Variants in ZNF562 observed in about 807,000 individuals in gnomAD.
The protein encoded by ZNF562 is zinc finger protein 562.
ZNF562 carries 13 observed loss-of-function variants against 17.5 expected under a neutral mutation model. The ratio of observed to expected loss-of-function variants is 0.74; its 90% CI spans 0.48 to 1.18. The LOEUF (loss-of-function observed/expected upper bound fraction) is 1.18, where lower values mean the gene tolerates loss of function less well. Among genes scored for constraint, ZNF562 ranks in the 50% most tolerant of loss-of-function variants. ZNF562 has a pLI of 0.00. For missense variants in ZNF562, 481 were observed against 498.5 expected (o/e 0.96, Z 0.33); for synonymous variants, 163 against 165.4 (o/e 0.99, Z 0.11).
In ZNF562 at chr19:9,653,045, TG is replaced by T; in HGVS notation, c.1184del (p.Thr395LysfsTer25). Reference protein sequence around the residue: ...STLTQHRRIHTGEKPYECVEC... With the variant: ...STLTQHRRIHXGEKPYECVEC... ...CAACACATTCATAAGGCTTCTCTCC[TG>T]TGTGAATTCTTCTATGTTGAGTAAG... On this transcript the variant is annotated frameshift_variant, in exon 6 of 6. Transcript: ENST00000453372. LOFTEE classifies it low-confidence loss of function (END_TRUNC). 1 of 1,598,130 alleles carries T rather than the reference TG, an allele frequency of 6.3e-7. No individual in the cohort carries two copies. The highest frequency in any genetic ancestry group is 8.5e-7 in the Non-Finnish European group (1 of 1,172,082).
chr19:9,669,504 G>A (rs1382528554), intron 1 of ZNF562, among the ~76,000 whole-genome samples: 2 of 152,138 alleles, frequency 1.3e-5, no homozygotes, highest in Admixed American at 6.6e-5. Context: ...TATGCAGTTG[G>A]TGGGAATATA....
At chr19:9,673,430 T>G (rs575141409) in intron 1 of ZNF562, among the ~76,000 whole-genome samples, 1 of 152,224 alleles carries the variant, frequency 6.6e-6, no homozygotes, top group East Asian at 1.9e-4. Flanking sequence ...CTCCAACAGC[T>G]GGGATTACAG....
chr19:9,653,992 A>T (rs975706485), intron 5 of ZNF562, 111 bp from the exon 6 acceptor site: 58 of 1,007,336 alleles, frequency 5.8e-5, no homozygotes, highest in South Asian at 1.3e-4. Flanking sequence ...TTAATGTTTA[A>T]TTTTTTTTTT....
In ZNF562 at chr19:9,672,569, C is replaced by G. The variant is rs2044234882; in HGVS notation, c.-131+2446G>C. Among the ~76,000 whole-genome samples, 3 of 151,922 alleles carry G rather than the reference C, an allele frequency of 2.0e-5. No homozygotes were observed. The South Asian group carries it at 6.2e-4, about 31-fold the overall frequency. ...AAAAACTACACTTAGTCCAAACATG[C>G]TCTTAATAAATTATACAGATACTAG... is the stretch of plus-strand genomic sequence containing the variant. On this transcript the variant is annotated intron_variant, in intron 1 of 5. Transcript: ENST00000453372.
At chr19:9,653,964 T>A (rs2043364099) in intron 5 of ZNF562, 83 bp from the exon 6 acceptor site, 2 of 1,379,200 alleles carry the variant, frequency 1.5e-6, no homozygotes, top group South Asian at 2.1e-5. Context: ...ATTATTTTGA[T>A]GACAATTATT....
Position 9,647,928 on chromosome 19 carries a change from T to C in ZNF562, c.*5021A>G, listed in dbSNP as rs2074820087. 6.6e-6 allele frequency: 1 copy of C among 152,164 alleles called. No individual in the cohort carries two copies. Among genetic ancestry groups the C allele is most frequent in the African/African-American group, 2.4e-5 (1 of 41,426 alleles). The allele number at this position is 152,164 out of a possible 1,614,324, so 9.4% of individuals were successfully genotyped here. On this transcript the variant is annotated 3_prime_UTR_variant, in exon 6 of 6. Transcript: ENST00000453372. ...GAAAATATCTTGTAGTATTTTTAAATAGAGATGTGGTTTCGCTATGTTGCC... is the reference window on the plus strand; with the variant it reads ...GAAAATATCTTGTAGTATTTTTAAACAGAGATGTGGTTTCGCTATGTTGCC...
In ZNF562 at chr19:9,653,141, T is replaced by G; in HGVS notation, c.1089A>C (p.Ile363=). Residue 363 remains isoleucine (I), a synonymous_variant, in exon 6 of 6, where the codon ATA becomes ATC. Coordinates refer to ENST00000453372, the MANE Select transcript of ZNF562 (RefSeq NM_001130031.2). The part of the protein sequence containing the change: ...FTQYTGLAIH[I]RNHTGEKPYQ... ...AGGGTTTCTCTCCAGTGTGATTTCG[T>G]ATGTGTATAGCAAGGCCCGTGTACT... 6.2e-7 allele frequency: 1 copy of G among 1,611,866 alleles called. No individual in the cohort carries two copies. Among genetic ancestry groups the G allele is most frequent in the Non-Finnish European group, 8.5e-7 (1 of 1,178,644 alleles).
chr19:9,652,389 C>T lies in ZNF562; in HGVS notation c.*560G>A, dbSNP rs1318496381. On this transcript the variant is annotated 3_prime_UTR_variant, in exon 6 of 6. Coordinates refer to ENST00000453372, the MANE Select transcript of ZNF562 (RefSeq NM_001130031.2). ...GGAGCATCTTTTTAACAATCCACCT[C>T]TGGGGCCTACATCATCTTGGCTTCT... 3 of 152,298 alleles carry T rather than the reference C, an allele frequency of 2.0e-5. No homozygotes were observed. Among genetic ancestry groups the T allele is most frequent in the East Asian group, 3.8e-4 (2 of 5,198 alleles). The allele number at this position is 152,298 out of a possible 1,614,324, so 9.4% of individuals were successfully genotyped here.
At chr19:9,665,609 G>A (rs984001874) in intron 1 of ZNF562, among the ~76,000 whole-genome samples, 3 of 152,168 alleles carry the variant, frequency 2.0e-5, no homozygotes, top group African/African-American at 7.2e-5. Flanking sequence ...CACACAGCCA[G>A]CCTTCCCACA....
intron 1 of ZNF562, among the ~76,000 whole-genome samples, chr19:9,674,144 T>A (rs2044311603): frequency 6.6e-6 from 1 of 152,178 alleles, no homozygotes; most frequent in Admixed American, 6.5e-5. Context: ...CAGGCTAAAC[T>A]AATTCCAATT....
intron 5 of ZNF562, among the ~76,000 whole-genome samples, chr19:9,655,006 G>A (rs913886111): frequency 6.6e-6 from 1 of 151,960 alleles, no homozygotes; most frequent in African/African-American, 2.4e-5. Flanking sequence ...GTTGGGGGTG[G>A]TTTGAGACAG....
chr19:9,658,337 C>T (rs1389894008), intron 3 of ZNF562: 7 of 985,014 alleles, frequency 7.1e-6, no homozygotes, highest in South Asian at 4.7e-5. Flanking sequence ...TTAAACAGCA[C>T]TTTTTTTCTT....
chr19:9,667,218 C>G (rs185101041), intron 1 of ZNF562, among the ~76,000 whole-genome samples: 1 of 152,120 alleles, frequency 6.6e-6, no homozygotes, highest in East Asian at 1.9e-4. Flanking sequence ...TCAACATATG[C>G]AAATCAATAA....
chr19:9,673,352 C>T (rs568011686), intron 1 of ZNF562, among the ~76,000 whole-genome samples: 36 of 152,258 alleles, frequency 2.4e-4, no homozygotes, highest in African/African-American at 7.9e-4. Flanking sequence ...AAATAAATTG[C>T]GTTGCTGAGA....
At chr19:9,662,995 G>A (rs116376877) in intron 1 of ZNF562, among the ~76,000 whole-genome samples, 3,227 of 151,658 alleles carry the variant, frequency 0.021, 107 homozygotes, top group African/African-American at 0.073. Flanking sequence ...GAGCCACTGC[G>A]CCTGGCCAGC....
rs578125156 is a variant in ZNF562 at position 9,645,466 on chromosome 19, T to C, written c.*7483A>G. ...TATGTGTATCAGTTGGCCTTTACTG[T>C]GTAATAAACAGCCACAAAAATTACT... On this transcript the variant is annotated 3_prime_UTR_variant, in exon 6 of 6. Transcript: ENST00000453372. 6.6e-6 allele frequency: 1 copy of C among 152,292 alleles called. No homozygotes were observed. Among genetic ancestry groups the C allele is most frequent in the Admixed American group, 6.5e-5 (1 of 15,286 alleles). The allele number at this position is 152,292 out of a possible 1,614,324, so 9.4% of individuals were successfully genotyped here.
At position 9,648,233 on chromosome 19, in the gene ZNF562, C is replaced by T. The variant is rs1466730303; in HGVS notation, c.*4716G>A. Reference sequence around the variant, plus strand: ...TTTAAGTGATCCATTATGTCACAGTCGAGCTTATCCAGGAATACAAGGTTG... The same window carrying T: ...TTTAAGTGATCCATTATGTCACAGTTGAGCTTATCCAGGAATACAAGGTTG... On this transcript the variant is annotated 3_prime_UTR_variant, in exon 6 of 6. Coordinates refer to ENST00000453372, the MANE Select transcript of ZNF562 (RefSeq NM_001130031.2). 3 of 152,172 alleles carry T rather than the reference C, an allele frequency of 2.0e-5. No homozygotes were observed. Among genetic ancestry groups the T allele is most frequent in the African/African-American group, 4.8e-5 (2 of 41,432 alleles). The allele number at this position is 152,172 out of a possible 1,614,324, so 9.4% of individuals were successfully genotyped here. A position where few individuals can be genotyped will look rare whatever the true frequency, so the allele number is the denominator to read the frequency against.
Position 9,660,769 on chromosome 19 carries a change from G to C in ZNF562, c.-25C>G, listed in dbSNP as rs1463114605. 1 of 1,612,936 alleles carries C rather than the reference G, an allele frequency of 6.2e-7. No homozygotes were observed. Among genetic ancestry groups the C allele is most frequent in the Admixed American group, 1.7e-5 (1 of 59,852 alleles). On this transcript the variant is annotated 5_prime_UTR_variant, in exon 2 of 6. Transcript: ENST00000453372. ...TCCTCTGAAGCTGATGGTGAGATGT[G>C]CCTCAATGCTGTCTTTCTTGATGCC...
chr19:9,642,407 G>A lies in ZNF562; in HGVS notation c.*10542C>T, dbSNP rs2074778282. 6.6e-6 allele frequency: 1 copy of A among 151,550 alleles called. No homozygotes were observed. 9.4% of individuals were successfully genotyped at this position (151,550 alleles called of 1,614,324 possible). ...AAGCAGTCCTTTGCCTGAGTACCAG[G>A]GACTACATACGTGCACCACCACATC... is the stretch of plus-strand genomic sequence containing the variant. On this transcript the variant is annotated 3_prime_UTR_variant, in exon 6 of 6. Transcript: ENST00000453372.
Sources: allele counts gnomAD v4.1 joint callset (sites outside exome capture counted in the v4.1 genomes callset), GRCh38; gene constraint gnomAD v4.1.1; transcripts MANE v1.5; gene names NCBI Gene and HGNC (gene_info 2026-07-23, HGNC 2026-07-21).